Variants in NEXMIF observed in about 807,000 individuals in gnomAD.
NEXMIF encodes XLMR protein related to neurite extension.
In NEXMIF, 8 loss-of-function variants were observed where a neutral mutation model predicts 62.1. The ratio of observed to expected loss-of-function variants is 0.13; its 90% confidence interval spans 0.08 to 0.23. The LOEUF (loss-of-function observed/expected upper bound fraction) is 0.23, where lower values mean the gene tolerates loss of function less well. NEXMIF is among the 10% of genes least tolerant of loss of function. The pLI is 1.00. For missense variants in NEXMIF, 976 were observed against 1,113.3 expected, an observed-to-expected ratio of 0.88 and a Z score of 1.75; for synonymous variants, 404 against 416.6, an observed-to-expected ratio of 0.97 and a Z score of 0.37.
chrX:74,838,751 C>T (rs900094778), intron 1 of NEXMIF, among the ~76,000 whole-genome samples: 2 of 111,878 alleles, frequency 1.8e-5, no homozygotes, highest in Non-Finnish European at 3.8e-5. Flanking sequence ...TCAAACTGCA[C>T]CCTACCATCC....
At chrX:74,739,843 CAGA>C (rs2080095992) in intron 3 of NEXMIF, 4 of 380,236 alleles carry the variant, frequency 1.1e-5, no homozygotes, top group East Asian at 4.1e-5. Flanking sequence ...TGATGAATAG[CAGA>C]AGAAGAAATA....
intron 1 of NEXMIF, among the ~76,000 whole-genome samples, chrX:74,790,461 T>C (rs2147463825): frequency 9.0e-6 from 1 of 111,701 alleles, no homozygotes; most frequent in South Asian, 3.6e-4. Flanking sequence ...CGATGCGGGC[T>C]CTTTTTTGGT....
At chrX:74,806,143 G>A (rs1365752894) in intron 1 of NEXMIF, among the ~76,000 whole-genome samples, 1 of 111,435 alleles carries the variant, frequency 9.0e-6, no homozygotes, top group Non-Finnish European at 1.9e-5. Flanking sequence ...GTTTTTCTCA[G>A]AGCAGAAGTT....
intron 1 of NEXMIF, among the ~76,000 whole-genome samples, chrX:74,901,541 T>A (rs2080749550): frequency 9.0e-6 from 1 of 111,330 alleles, no homozygotes. Context: ...ATCTTTCAGT[T>A]CCAGAGAATT....
At chrX:74,796,400 C>A (rs1240388487) in intron 1 of NEXMIF, among the ~76,000 whole-genome samples, 1 of 98,774 alleles carries the variant, frequency 1.0e-5, no homozygotes, top group African/African-American at 3.7e-5. Flanking sequence ...CCAGTTATGT[C>A]CACTGAGAAA....
At chrX:74,910,009 G>C (rs1467171568) in intron 1 of NEXMIF, among the ~76,000 whole-genome samples, 1 of 112,599 alleles carries the variant, frequency 8.9e-6, no homozygotes, top group African/African-American at 3.2e-5. Flanking sequence ...TTGCTGCAGG[G>C]GTGGAGCCCT....
intron 1 of NEXMIF, among the ~76,000 whole-genome samples, chrX:74,873,077 T>C (rs1462194096): frequency 9.1e-5 from 10 of 109,997 alleles, no homozygotes; most frequent in Non-Finnish European, 1.3e-4. Flanking sequence ...GCCATGCTGG[T>C]GCGCTGCACC....
chrX:74,828,879 C>T (rs1440291160), intron 1 of NEXMIF, among the ~76,000 whole-genome samples: 2 of 111,815 alleles, frequency 1.8e-5, no homozygotes, highest in Non-Finnish European at 3.8e-5. Context: ...AGTCAACAAA[C>T]CTTATTAGGG....
intron 1 of NEXMIF, among the ~76,000 whole-genome samples, chrX:74,819,258 C>T (rs1290607174): frequency 8.9e-6 from 1 of 111,902 alleles, no homozygotes; most frequent in African/African-American, 3.2e-5. Context: ...CAATACCATT[C>T]AGGACATAGG....
chrX:74,900,474 AAAAAAG>A (rs58922805), intron 1 of NEXMIF, among the ~76,000 whole-genome samples: 14 of 106,002 alleles, frequency 1.3e-4, no homozygotes, highest in South Asian at 8.9e-4. Context: ...AAAAAAAAAA[AAAAAAG>A]AAAAAGAAAA....
chrX:74,822,471 A>C lies in NEXMIF; in HGVS notation c.-47-76774T>G, dbSNP rs1437764856. On this transcript the variant is annotated intron_variant, in intron 1 of 3. Coordinates refer to ENST00000055682, the MANE Select transcript of NEXMIF (RefSeq NM_001008537.3). The stretch of plus-strand genomic sequence containing the variant: ...GAGAAACAACTCACAGAATGTAATA[A>C]GGTATTTGTAAATCATATATCTGAT... 5.3e-5 allele frequency among the ~76,000 whole-genome samples: 6 copies of C among 112,525 alleles called. No individual in the cohort carries two copies. In the Admixed American group the frequency reaches 5.7e-4, roughly 11 times the overall value.
chrX:74,791,673 C>A (rs1312056909), intron 1 of NEXMIF, among the ~76,000 whole-genome samples: 1 of 110,291 alleles, frequency 9.1e-6, no homozygotes, highest in East Asian at 2.8e-4. Flanking sequence ...TTGGTCTATT[C>A]AGAGATTCAA....
At chrX:74,832,094 T>A (rs1416365341) in intron 1 of NEXMIF, among the ~76,000 whole-genome samples, 1 of 112,143 alleles carries the variant, frequency 8.9e-6, no homozygotes, top group African/African-American at 3.2e-5. Flanking sequence ...TGTCTTTGTT[T>A]GTTTTGGTTA....
intron 1 of NEXMIF, among the ~76,000 whole-genome samples, chrX:74,852,447 A>T (rs965406648): frequency 3.6e-5 from 4 of 112,236 alleles, no homozygotes; most frequent in Non-Finnish European, 7.5e-5. Context: ...TTGGATTTAA[A>T]CGGCACTTTA....
At chrX:74,813,448 C>T (rs1275481371) in intron 1 of NEXMIF, among the ~76,000 whole-genome samples, 1 of 111,992 alleles carries the variant, frequency 8.9e-6, no homozygotes, top group African/African-American at 3.2e-5. Flanking sequence ...CAGTTGCCAC[C>T]AAACAGAGCC....
chrX:74,784,803 T>C (rs1241094103), intron 1 of NEXMIF, among the ~76,000 whole-genome samples: 3 of 110,698 alleles, frequency 2.7e-5, no homozygotes, highest in Non-Finnish European at 5.7e-5. Context: ...GGTAAGGGCA[T>C]TGTGTATGCC....
At chrX:74,923,264 G>A (rs903376129) in intron 1 of NEXMIF, among the ~76,000 whole-genome samples, 3 of 111,824 alleles carry the variant, frequency 2.7e-5, no homozygotes, top group Admixed American at 1.9e-4. Flanking sequence ...AAGCAAATAC[G>A]TTTTTGTTGT....
chrX:74,869,347 C>T (rs896986257), intron 1 of NEXMIF, among the ~76,000 whole-genome samples: 3 of 111,515 alleles, frequency 2.7e-5, no homozygotes, highest in Admixed American at 9.6e-5. Flanking sequence ...CCATCTATGA[C>T]AGACCAAAAG....
At chrX:74,853,940 A>C (rs1170489884) in intron 1 of NEXMIF, among the ~76,000 whole-genome samples, 3 of 111,986 alleles carry the variant, frequency 2.7e-5, no homozygotes, top group Non-Finnish European at 5.6e-5. Flanking sequence ...ATCACTAATA[A>C]AGTCTCTCAA....
Sources: allele counts gnomAD v4.1 joint callset (sites outside exome capture counted in the v4.1 genomes callset), GRCh38; gene constraint gnomAD v4.1.1; transcripts MANE v1.5; gene names NCBI Gene and HGNC (gene_info 2026-07-23, HGNC 2026-07-21).